MCTP1: variants seen among roughly 807,000 people sequenced by gnomAD.
MCTP1 encodes the protein multiple C2 and transmembrane domain-containing protein 1.
MCTP1 carries 69 observed loss-of-function variants against 120.6 expected under a neutral mutation model. The ratio of observed to expected loss-of-function variants is 0.57; its 90% CI spans 0.47 to 0.70. The LOEUF is 0.70. Among genes scored for constraint, MCTP1 ranks in the 30% least tolerant of loss-of-function variants. MCTP1 has a pLI of 0.00. For synonymous variants in MCTP1, 529 were observed against 493.1 expected (o/e 1.07, Z -0.96); for missense variants, 1,203 against 1,248.8 (o/e 0.96, Z 0.55).
intron 2 of MCTP1, among the ~76,000 whole-genome samples, chr5:95,004,682 T>A (rs1213382115): frequency 2.6e-5 from 4 of 152,210 alleles, no homozygotes; most frequent in Non-Finnish European, 4.4e-5. Context: ...AGCTTTCATG[T>A]GATGTTAAAC....
intron 2 of MCTP1, among the ~76,000 whole-genome samples, chr5:94,972,229 G>A (rs1231092446): frequency 6.6e-6 from 1 of 152,152 alleles, no homozygotes; most frequent in African/African-American, 2.4e-5. Flanking sequence ...CTCAGCATCA[G>A]TATTCAAAGC....
intron 12 of MCTP1, among the ~76,000 whole-genome samples, chr5:94,875,022 G>T (rs915154921): frequency 6.6e-6 from 1 of 152,130 alleles, no homozygotes; most frequent in African/African-American, 2.4e-5. Flanking sequence ...TGTTCTATTT[G>T]TTGGGGAAAC....
chr5:94,714,627 C>A, intron 20 of MCTP1, 150 bp downstream of exon 20: 1 of 655,554 alleles, frequency 1.5e-6, no homozygotes, highest in Non-Finnish European at 2.7e-6. Flanking sequence ...CAAAGACTGG[C>A]AGAAATAAAG....
intron 2 of MCTP1, among the ~76,000 whole-genome samples, chr5:95,009,722 T>A (rs1835541386): frequency 6.6e-6 from 1 of 152,194 alleles, no homozygotes; most frequent in Non-Finnish European, 1.5e-5. Context: ...CAAAGTCACA[T>A]AGCTAACAAA....
chr5:95,009,834 A>C (rs977910730), intron 2 of MCTP1, among the ~76,000 whole-genome samples: 2 of 152,162 alleles, frequency 1.3e-5, no homozygotes, highest in African/African-American at 4.8e-5. Context: ...AACTCAGAAA[A>C]AGGCAGTAGC....
intron 1 of MCTP1, chr5:95,082,023 A>C (rs1245118365): frequency 5.8e-6 from 1 of 173,054 alleles, no homozygotes; most frequent in East Asian, 1.9e-4. Context: ...CACTAAAGTC[A>C]CTAACATTCC....
At chr5:94,952,213 T>G (rs1820816784) in intron 3 of MCTP1, among the ~76,000 whole-genome samples, 1 of 147,148 alleles carries the variant, frequency 6.8e-6, no homozygotes, top group African/African-American at 2.5e-5. Flanking sequence ...TTGATTTTCT[T>G]TAGCCAGTGT....
intron 1 of MCTP1, among the ~76,000 whole-genome samples, chr5:95,147,109 CAG>C (rs1190567682): frequency 3.3e-5 from 5 of 151,982 alleles, no homozygotes; most frequent in African/African-American, 4.8e-5. Context: ...TTTTTTAAGA[CAG>C]AGTCTCACTC....
intron 1 of MCTP1, among the ~76,000 whole-genome samples, chr5:95,150,943 T>A (rs543643229): frequency 6.6e-6 from 1 of 152,182 alleles, no homozygotes; most frequent in Non-Finnish European, 1.5e-5. Context: ...TATACTGTAA[T>A]CTTACAGTAA....
intron 1 of MCTP1, among the ~76,000 whole-genome samples, chr5:95,153,238 C>T (rs1305751547): frequency 6.6e-6 from 1 of 152,130 alleles, no homozygotes. Flanking sequence ...GCATTCCCCC[C>T]GACCTCTCCT....
chr5:95,268,247 C>T (rs1478496532), intron 1 of MCTP1, among the ~76,000 whole-genome samples: 2 of 152,158 alleles, frequency 1.3e-5, no homozygotes, highest in Non-Finnish European at 2.9e-5. Context: ...ACTATGTCTA[C>T]CACAACATAG....
intron 1 of MCTP1, among the ~76,000 whole-genome samples, chr5:95,123,137 C>T (rs572282182): frequency 6.6e-6 from 1 of 152,202 alleles, no homozygotes; most frequent in South Asian, 2.1e-4. Flanking sequence ...TTGTTTTTAA[C>T]ACAAAGAATA....
intron 1 of MCTP1, among the ~76,000 whole-genome samples, chr5:95,251,178 G>C (rs921676920): frequency 6.6e-6 from 1 of 152,038 alleles, no homozygotes; most frequent in African/African-American, 2.4e-5. Flanking sequence ...TCTATGAGAA[G>C]GGGTTACTTT....
At chr5:94,996,248 T>C (rs1391517128) in intron 2 of MCTP1, among the ~76,000 whole-genome samples, 3 of 152,224 alleles carry the variant, frequency 2.0e-5, no homozygotes, top group African/African-American at 7.2e-5. Context: ...GTGATTACAC[T>C]GAAAGTTATC....
chr5:94,718,033 C>CA (rs1419409691), intron 19 of MCTP1, among the ~76,000 whole-genome samples: 1 of 151,876 alleles, frequency 6.6e-6, no homozygotes, highest in Non-Finnish European at 1.5e-5. Flanking sequence ...CATATGGAAC[C>CA]AAAAAAGAGC....
Position 94,707,405 on chromosome 5 carries a change from AAAGC to A in MCTP1, c.*87_*90del. ...CATGATAAAAAGGCAAAATAAATAA[AAAGC>A]AGAAAGAAAGGAAATGCTGCTGAGG... On this transcript the variant is annotated 3_prime_UTR_variant, in exon 23 of 23. Coordinates refer to ENST00000515393, the MANE Select transcript of MCTP1 (RefSeq NM_024717.7). 7.1e-6 allele frequency: 7 copies of A among 982,202 alleles called. No homozygotes were observed. Among genetic ancestry groups the A allele is most frequent in the Non-Finnish European group, 1.1e-5 (7 of 639,310 alleles). 60.8% of individuals were successfully genotyped at this position (982,202 alleles called of 1,614,324 possible).
intron 19 of MCTP1, among the ~76,000 whole-genome samples, chr5:94,743,439 G>C (rs1766055833): frequency 6.6e-6 from 1 of 152,072 alleles, no homozygotes; most frequent in Non-Finnish European, 1.5e-5. Context: ...TGAGATAAGA[G>C]AGAAAGTGAA....
At chr5:95,202,887 C>T (rs192507436) in intron 1 of MCTP1, among the ~76,000 whole-genome samples, 1 of 152,026 alleles carries the variant, frequency 6.6e-6, no homozygotes, top group Non-Finnish European at 1.5e-5. Flanking sequence ...GCCGCCAGAC[C>T]CAACTAATTT....
At chr5:95,277,628 C>A (rs2152741784) in intron 1 of MCTP1, among the ~76,000 whole-genome samples, 1 of 152,256 alleles carries the variant, frequency 6.6e-6, no homozygotes, top group East Asian at 1.9e-4. Flanking sequence ...TTGCCAAATT[C>A]CACTCCAGCA....
Sources: gnomAD v4.1 joint callset for allele counts (sites outside exome capture counted in the v4.1 genomes callset) on GRCh38, gnomAD v4.1.1 for gene constraint, MANE v1.5 for transcripts, NCBI Gene and HGNC (gene_info 2026-07-23, HGNC 2026-07-21) for gene names.